Variants in MTHFD1L observed in about 807,000 individuals in gnomAD.
MTHFD1L encodes methylenetetrahydrofolate dehydrogenase (NADP+ dependent) 1 like, also known as monofunctional C1-tetrahydrofolate synthase, mitochondrial.
MTHFD1L carries 81 observed loss-of-function variants against 119.5 expected under a neutral mutation model. The ratio of observed to expected loss-of-function variants is 0.68; its 90% CI spans 0.57 to 0.82. The LOEUF (loss-of-function observed/expected upper bound fraction) is 0.82, where lower values mean the gene tolerates loss of function less well. Among genes scored for constraint, MTHFD1L ranks in the 40% least tolerant of loss-of-function variants. The pLI is 0.00. For synonymous variants in MTHFD1L, 430 were observed against 475.2 expected (o/e 0.90, Z 1.24); for missense variants, 1,125 against 1,253.4 (o/e 0.90, Z 1.55).
At chr6:151,036,020 G>A (rs1349360359) in intron 25 of MTHFD1L, among the ~76,000 whole-genome samples, 1 of 152,198 alleles carries the variant, frequency 6.6e-6, no homozygotes, top group African/African-American at 2.4e-5. Context: ...AGTCCTCCCT[G>A]AGTTGATAAG....
chr6:150,973,021 A>G (rs1206066440), intron 20 of MTHFD1L, among the ~76,000 whole-genome samples: 2 of 152,212 alleles, frequency 1.3e-5, no homozygotes, highest in Non-Finnish European at 2.9e-5. Flanking sequence ...CAAAACCAAA[A>G]CACAGGCATT....
intron 26 of MTHFD1L, among the ~76,000 whole-genome samples, chr6:151,038,823 C>T (rs541264513): frequency 6.6e-6 from 1 of 152,040 alleles, no homozygotes; most frequent in Non-Finnish European, 1.5e-5. Flanking sequence ...GGGAAGGGAC[C>T]GTTCTAGCTT....
At chr6:150,921,922 T>C (rs762084949) in intron 9 of MTHFD1L, among the ~76,000 whole-genome samples, 1 of 152,208 alleles carries the variant, frequency 6.6e-6, no homozygotes, top group East Asian at 1.9e-4. Flanking sequence ...AGTTCATGCA[T>C]GCATATTTAA....
intron 27 of MTHFD1L, among the ~76,000 whole-genome samples, chr6:151,096,855 A>G (rs1432632875): frequency 6.6e-6 from 1 of 152,220 alleles, no homozygotes; most frequent in Non-Finnish European, 1.5e-5. Flanking sequence ...ACCAAAGGTG[A>G]ACATTATATG....
chr6:151,028,319 T>C (rs926973361), intron 24 of MTHFD1L, among the ~76,000 whole-genome samples: 1 of 152,144 alleles, frequency 6.6e-6, no homozygotes, highest in African/African-American at 2.4e-5. Context: ...AAAAAATGTA[T>C]GTTGCCTTAC....
intron 26 of MTHFD1L, among the ~76,000 whole-genome samples, chr6:151,058,345 G>A (rs1285075252): frequency 2.0e-5 from 3 of 152,138 alleles, no homozygotes; most frequent in East Asian, 1.9e-4. Context: ...ACTGATGCTC[G>A]GGCTCTGTCA....
intron 8 of MTHFD1L, among the ~76,000 whole-genome samples, chr6:150,906,302 C>T (rs1425698161): frequency 1.3e-5 from 2 of 152,148 alleles, no homozygotes; most frequent in African/African-American, 4.8e-5. Flanking sequence ...AGGATTGGTC[C>T]TGCTATTTGA....
intron 8 of MTHFD1L, among the ~76,000 whole-genome samples, chr6:150,916,737 C>CTTTTTTTTTT (rs57961829): frequency 1.9e-4 from 14 of 72,134 alleles, no homozygotes; most frequent in African/African-American, 3.9e-4. Flanking sequence ...GATTCTATCC[C>CTTTTTTTTTT]TTTTTTTTTT....
chr6:150,954,166 T>C (rs1191347022), intron 16 of MTHFD1L, among the ~76,000 whole-genome samples: 1 of 152,228 alleles, frequency 6.6e-6, no homozygotes, highest in Non-Finnish European at 1.5e-5. Context: ...ATCCTACGGA[T>C]GCCTATAGTA....
Position 151,085,215 on chromosome 6 carries a change from C to T in MTHFD1L, c.2848-7252C>T, listed in dbSNP as rs184120036. Among the ~76,000 whole-genome samples the T allele has an allele frequency of 9.9e-3, 1,506 of 151,362 alleles. 13 individuals are homozygous for T. The highest frequency in any genetic ancestry group is 0.015 in the Non-Finnish European group (1,014 of 67,856). ...AATATTTTAAGTAAATTTTTAAAAA[C>T]GAATAGAAATTTAATCAGGAACAGG... On this transcript the variant is annotated intron_variant, in intron 26 of 27. Transcript: ENST00000367321.
intron 27 of MTHFD1L, among the ~76,000 whole-genome samples, chr6:151,095,097 G>A (rs1794791522): frequency 6.6e-6 from 1 of 152,212 alleles, no homozygotes; most frequent in African/African-American, 2.4e-5. Context: ...TTTTGCTGAG[G>A]AGCGGGAGCT....
intron 7 of MTHFD1L, among the ~76,000 whole-genome samples, chr6:150,897,844 T>A (rs952645060): frequency 1.8e-4 from 28 of 151,672 alleles, no homozygotes; most frequent in Middle Eastern, 6.8e-3. Context: ...AATTAGAATT[T>A]AAAAAAAAAA....
Position 151,009,741 on chromosome 6 carries a change from C to T in MTHFD1L, c.2126-78C>T, listed in dbSNP as rs921079490. ...AGGAATGTAAGCTGTCCTTTGAGCT[C>T]GAATCATAGTGGTGATTGCCAAAAC... is the stretch of plus-strand genomic sequence containing the variant. On this transcript the variant is annotated intron_variant, in intron 20 of 27. Transcript: ENST00000367321. 1.2e-5 allele frequency: 18 copies of T among 1,504,038 alleles called. No homozygotes were observed. In the Admixed American group the frequency reaches 1.4e-4, roughly 12 times the overall value. 93.2% of individuals were successfully genotyped at this position (1,504,038 alleles called of 1,614,324 possible).
intron 11 of MTHFD1L, among the ~76,000 whole-genome samples, chr6:150,928,749 A>T (rs1425216376): frequency 6.6e-6 from 1 of 151,954 alleles, no homozygotes; most frequent in Non-Finnish European, 1.5e-5. Context: ...TCGCCACATT[A>T]GCCAGGCTGG....
At chr6:150,949,975 TC>T (rs1202968096) in intron 16 of MTHFD1L, among the ~76,000 whole-genome samples, 6 of 152,346 alleles carry the variant, frequency 3.9e-5, no homozygotes, top group Non-Finnish European at 5.9e-5. Context: ...CCCTGATTCT[TC>T]CTGGATTATT....
intron 27 of MTHFD1L, chr6:151,099,661 C>T (rs1795196760): frequency 2.1e-5 from 33 of 1,603,366 alleles, no homozygotes; most frequent in South Asian, 3.3e-5. Context: ...CAACAGGGTT[C>T]GTAGAAGATT....
intron 24 of MTHFD1L, among the ~76,000 whole-genome samples, chr6:151,024,753 TG>T (rs569155713): frequency 1.5e-3 from 235 of 152,274 alleles, no homozygotes; most frequent in Non-Finnish European, 2.8e-3. Flanking sequence ...CACTTGAACC[TG>T]GGAAGTGGAG....
chr6:150,897,406 A>G (rs1226215280), intron 7 of MTHFD1L, among the ~76,000 whole-genome samples: 1 of 152,192 alleles, frequency 6.6e-6, no homozygotes, highest in South Asian at 2.1e-4. Flanking sequence ...GTATTTTCTC[A>G]TAGATATAAT....
chr6:151,017,823 G>GTT (rs1783341204), intron 24 of MTHFD1L, among the ~76,000 whole-genome samples: 1 of 139,038 alleles, frequency 7.2e-6, no homozygotes, highest in African/African-American at 3.0e-5. Flanking sequence ...CTTCAAGACC[G>GTT]TGTTTTCTTT....
Sources: allele counts gnomAD v4.1 joint callset (sites outside exome capture counted in the v4.1 genomes callset), GRCh38; gene constraint gnomAD v4.1.1; transcripts MANE v1.5; gene names NCBI Gene and HGNC (gene_info 2026-07-23, HGNC 2026-07-21).